Variants in KANK1 observed in about 807,000 individuals in gnomAD.
KANK1 encodes KN motif and ankyrin repeat domains 1.
A neutral mutation model predicts 106.2 loss-of-function variants in KANK1; 109 were observed. That is an observed-to-expected ratio of 1.03 (90% CI 0.88 to 1.20). The LOEUF (loss-of-function observed/expected upper bound fraction) is 1.20, where lower values mean the gene tolerates loss of function less well. Ranked by LOEUF, KANK1 falls within the 50% of genes most tolerant of loss-of-function variation. KANK1 has a pLI of 0.00. For missense variants in KANK1, 2,399 were observed against 1,710.7 expected, an observed-to-expected ratio of 1.40 and a Z score of -7.10; for synonymous variants, 873 against 652.2, an observed-to-expected ratio of 1.34 and a Z score of -5.16.
At chr9:480,651 A>G (rs1408635489) in intron 3 of KANK1, among the ~76,000 whole-genome samples, 1 of 152,236 alleles carries the variant, frequency 6.6e-6, no homozygotes, top group African/African-American at 2.4e-5. Flanking sequence ...TTCATCCAGA[A>G]AGAATTATTT....
At position 713,105 on chromosome 9, in the gene KANK1, C is replaced by T; in HGVS notation, c.2339C>T (p.Ala780Val). ...YLVGLKMRTIACGPPQLTVGL... is the reference protein window; with the variant it reads ...YLVGLKMRTIVCGPPQLTVGL... ...GTTGGTCTCAAAATGAGGACTATAG[C>T]TTGTGGGCCACCACAGTTGACTGTG... The change falls in exon 3 of 12, where the codon GCT becomes GTT. Residue 780 changes from alanine (A) to valine (V), a missense_variant. Physicochemically the swap from Ala to Val is moderately conservative, Grantham distance 64. Transcript: ENST00000382297. 2 of 1,609,126 alleles carry T rather than the reference C, an allele frequency of 1.2e-6. No homozygotes were observed. Among genetic ancestry groups the T allele is most frequent in the Non-Finnish European group, 1.7e-6 (2 of 1,176,540 alleles).
At chr9:744,199 A>G (rs962490213) in intron 10 of KANK1, among the ~76,000 whole-genome samples, 3 of 139,154 alleles carry the variant, frequency 2.2e-5, no homozygotes, top group African/African-American at 8.4e-5. Context: ...TAATTAGAAG[A>G]AAAAAAAACT....
chr9:730,491 A>G (rs1337452075), intron 4 of KANK1: 2 of 466,524 alleles, frequency 4.3e-6, no homozygotes, highest in Admixed American at 6.8e-5. Flanking sequence ...CAGGAGTTCG[A>G]GACCAGCCTG....
At chr9:500,126 C>T (rs891315241), upstream of KANK1, among the ~76,000 whole-genome samples, 41 of 152,216 alleles carry the variant, frequency 2.7e-4, no homozygotes, top group African/African-American at 1.9e-4. Flanking sequence ...GTTTTTTAAG[C>T]GCCTTTAACT....
chr9:667,681 G>C (rs1160941877), intron 1 of KANK1, among the ~76,000 whole-genome samples: 1 of 149,028 alleles, frequency 6.7e-6, no homozygotes, highest in African/African-American at 2.5e-5. Flanking sequence ...TCAACTCATT[G>C]TTTATTCAGG....
intron 1 of KANK1, among the ~76,000 whole-genome samples, chr9:594,035 G>A (rs1016001548): frequency 6.6e-5 from 10 of 151,848 alleles, no homozygotes; most frequent in African/African-American, 2.4e-4. Context: ...GACTGCCCTG[G>A]GGTCTGATCT....
chr9:731,525 CT>C, intron 5 of KANK1: 1 of 288,358 alleles, frequency 3.5e-6, no homozygotes. Flanking sequence ...AAGAAATAGT[CT>C]TCAGCGAACG....
At chr9:692,714 G>A (rs376078318) in intron 2 of KANK1, among the ~76,000 whole-genome samples, 3 of 147,934 alleles carry the variant, frequency 2.0e-5, no homozygotes, top group Non-Finnish European at 1.5e-5. Flanking sequence ...TTCTGCTTTT[G>A]AAAAAAAAAA....
intron 2 of KANK1, among the ~76,000 whole-genome samples, chr9:692,654 A>G (rs1382393251): frequency 3.9e-5 from 6 of 152,032 alleles, no homozygotes; most frequent in Non-Finnish European, 8.8e-5. Context: ...ATAACACTAA[A>G]AATTCTCTTG....
intron 1 of KANK1, among the ~76,000 whole-genome samples, chr9:531,789 T>C (rs1213371639): frequency 1.3e-5 from 2 of 152,252 alleles, no homozygotes. Context: ...TTCTGGCGTC[T>C]GTCCTCACTG....
intron 2 of KANK1, among the ~76,000 whole-genome samples, chr9:696,962 C>G (rs183594273): frequency 1.1e-4 from 16 of 152,228 alleles, no homozygotes; most frequent in Non-Finnish European, 2.2e-4. Context: ...AAAGGAAAGA[C>G]AGAAATAAAA....
chr9:610,244 C>A (rs1160786077), intron 1 of KANK1, among the ~76,000 whole-genome samples: 1 of 152,056 alleles, frequency 6.6e-6, no homozygotes, highest in Non-Finnish European at 1.5e-5. Context: ...AAACTCTTTA[C>A]AAAAGTAACA....
chr9:666,243 ACTTT>A (rs1844542794), intron 1 of KANK1, among the ~76,000 whole-genome samples: 4 of 151,862 alleles, frequency 2.6e-5, no homozygotes, highest in South Asian at 2.1e-4. Context: ...AAATTAGATT[ACTTT>A]CTTTCTTTTT....
intron 1 of KANK1, among the ~76,000 whole-genome samples, chr9:623,688 A>G (rs180709965): frequency 8.0e-4 from 122 of 152,306 alleles, no homozygotes; most frequent in Non-Finnish European, 1.4e-3. Context: ...CAAAACCACA[A>G]TGAGATATTA....
chr9:597,175 C>A (rs1202105234), intron 1 of KANK1, among the ~76,000 whole-genome samples: 1 of 151,780 alleles, frequency 6.6e-6, no homozygotes, highest in East Asian at 1.9e-4. Context: ...ATGAATAAGG[C>A]TGCTATGAAC....
intron 3 of KANK1, among the ~76,000 whole-genome samples, chr9:729,597 C>G (rs902648859): frequency 1.3e-5 from 2 of 152,120 alleles, no homozygotes; most frequent in African/African-American, 2.4e-5. Context: ...TCAGCCAGTA[C>G]CAGGTTATGG....
Position 477,147 on chromosome 9 carries a change from C to T in KANK1, c.-362+3874C>T, listed in dbSNP as rs148174040. ...GTTTGGGTGACAGGCGATAAAGTAA[C>T]GGACATTATGGAAAGTCTGAAAGAA... On this transcript the variant is annotated intron_variant, in intron 3 of 15. Transcript: ENST00000382303. 3.7e-3 allele frequency among the ~76,000 whole-genome samples: 566 copies of T among 152,176 alleles called. 5 individuals are homozygous for T. Among genetic ancestry groups the T allele is most frequent in the African/African-American group, 0.013 (535 of 41,522 alleles).
intron 1 of KANK1, among the ~76,000 whole-genome samples, chr9:522,682 C>G (rs75114678): frequency 0.027 from 4,047 of 151,746 alleles, 166 homozygotes; most frequent in East Asian, 0.18. Flanking sequence ...TTCATGCTGA[C>G]TTTTGGGTTT....
chr9:470,816 C>G (rs12339824), intron 2 of KANK1: 4 of 152,218 alleles, frequency 2.6e-5, no homozygotes, highest in Admixed American at 1.3e-4. Context: ...CCTTTCACCC[C>G]CTAGTTTTTT....
Sources: gnomAD v4.1 joint callset for allele counts (sites outside exome capture counted in the v4.1 genomes callset) on GRCh38, gnomAD v4.1.1 for gene constraint, MANE v1.5 for transcripts, NCBI Gene and HGNC (gene_info 2026-07-23, HGNC 2026-07-21) for gene names.